The following LIMA1 variants were observed in gnomAD, a reference collection of about 807,000 sequenced individuals.
The protein encoded by LIMA1 is LIM domain and actin-binding protein 1.
LIMA1 carries 52 observed loss-of-function variants against 62.6 expected under a neutral mutation model. The ratio of observed to expected loss-of-function variants is 0.83; its 90% CI spans 0.67 to 1.05. The LOEUF (loss-of-function observed/expected upper bound fraction) is 1.05. LIMA1 is among the 50% of genes least tolerant of loss of function. The probability of loss-of-function intolerance (pLI) is 0.00; values close to 1 mark genes in which losing one functional copy is unlikely to be tolerated. For synonymous variants in LIMA1, 302 were observed against 317.8 expected (o/e 0.95, Z 0.53); for missense variants, 780 against 902.2 (o/e 0.86, Z 1.74).
At position 50,203,357 on chromosome 12, in the gene LIMA1, C is replaced by T. The variant is rs115614522; in HGVS notation, c.864+1195G>A. Among the ~76,000 whole-genome samples, 1,221 of 151,836 alleles carry T rather than the reference C, an allele frequency of 8.0e-3. 18 individuals carry two copies. Among genetic ancestry groups the T allele is most frequent in the African/African-American group, 0.028 (1,160 of 41,412 alleles). On this transcript the variant is annotated intron_variant, in intron 6 of 10. Transcript: ENST00000341247. Reference sequence around the variant, plus strand: ...AGCAGTTCTGTAGCATCAGCTTACCCGTTAAGCACAGGACAACGTAAAGGG... The same window carrying T: ...AGCAGTTCTGTAGCATCAGCTTACCTGTTAAGCACAGGACAACGTAAAGGG...
rs775085324 is a variant in LIMA1 at position 50,222,651 on chromosome 12, C to G, written c.166-166G>C. 1.0e-5 allele frequency: 16 copies of G among 1,527,218 alleles called. No individual in the cohort carries two copies. In the East Asian group the frequency reaches 3.9e-4, roughly 38 times the overall value. 94.6% of individuals were successfully genotyped at this position (1,527,218 alleles called of 1,614,324 possible). A position where few individuals can be genotyped will look rare whatever the true frequency, so the allele number is the denominator to read the frequency against. Reference sequence around the variant, plus strand: ...TTGCCACATGGAGAAAGCATCCACCCGGCAGAGGGAGAGGGAGAGGGGAAG... The same window carrying G: ...TTGCCACATGGAGAAAGCATCCACCGGGCAGAGGGAGAGGGAGAGGGGAAG... On this transcript the variant is annotated intron_variant, in intron 3 of 10. Transcript: ENST00000341247.
At position 50,186,042 on chromosome 12, in the gene LIMA1, T is replaced by C. The variant is rs1220335376; in HGVS notation, c.1141-4005A>G. 3 of 152,802 alleles carry C rather than the reference T, an allele frequency of 2.0e-5. No homozygotes were observed. The East Asian group carries it at 5.8e-4, about 29-fold the overall frequency. 9.5% of individuals were successfully genotyped at this position (152,802 alleles called of 1,614,324 possible). A position where few individuals can be genotyped will look rare whatever the true frequency, so the allele number is the denominator to read the frequency against. On this transcript the variant is annotated intron_variant, in intron 9 of 10. Coordinates refer to ENST00000341247, the MANE Select transcript of LIMA1 (RefSeq NM_016357.5). ...GGCTGCGGCTGTGCCTCCCCTTTAT[T>C]TTCTATGTCCTGGGCTCTCAGCCAC...
At chr12:50,206,097 T>A (rs769599490) in intron 4 of LIMA1, 29 bp from the exon 5 acceptor site, 2 of 1,589,932 alleles carry the variant, frequency 1.3e-6, no homozygotes, top group Non-Finnish European at 1.7e-6. Flanking sequence ...CGATAAGTTT[T>A]GCAGAAACAA....
chr12:50,191,108 CAA>C (rs745749669), intron 9 of LIMA1, among the ~76,000 whole-genome samples: 684 of 46,666 alleles, frequency 0.015, 3 homozygotes, highest in African/African-American at 0.043. Context: ...GAACCTGTCT[CAA>C]AAAAAAAAAA....
At chr12:50,228,161 T>G (rs969673474) in intron 3 of LIMA1, among the ~76,000 whole-genome samples, 8 of 152,202 alleles carry the variant, frequency 5.3e-5, no homozygotes, top group Admixed American at 2.0e-4. Context: ...CCGGGCCTGA[T>G]ATGGTACTTA....
intron 2 of LIMA1, among the ~76,000 whole-genome samples, chr12:50,247,308 G>T (rs897729005): frequency 1.3e-5 from 2 of 152,028 alleles, no homozygotes; most frequent in Non-Finnish European, 2.9e-5. Flanking sequence ...CCGAGGCTAG[G>T]TCATAAAAGG....
At chr12:50,243,816 G>A (rs930998875) in intron 2 of LIMA1, among the ~76,000 whole-genome samples, 12 of 152,066 alleles carry the variant, frequency 7.9e-5, no homozygotes. Context: ...ACTTCAGCAG[G>A]TTACTTCCTT....
At chr12:50,216,443 G>A (rs574397962) in intron 4 of LIMA1, among the ~76,000 whole-genome samples, 8 of 151,984 alleles carry the variant, frequency 5.3e-5, no homozygotes, top group Non-Finnish European at 1.2e-4. Context: ...TCAAACTCTC[G>A]ACCTCAGGTG....
chr12:50,234,272 G>C, intron 2 of LIMA1: 1 of 354,022 alleles, frequency 2.8e-6, no homozygotes, highest in South Asian at 2.2e-5. Flanking sequence ...GCAGTGGCAC[G>C]ATCTCAGCTA....
chr12:50,217,163 A>G (rs537411693), intron 4 of LIMA1, among the ~76,000 whole-genome samples: 2 of 151,960 alleles, frequency 1.3e-5, no homozygotes, highest in South Asian at 4.1e-4. Context: ...TGACTTAAAA[A>G]GCCAACATTG....
At chr12:50,244,682 T>G (rs1941823367) in intron 2 of LIMA1, among the ~76,000 whole-genome samples, 3 of 152,190 alleles carry the variant, frequency 2.0e-5, no homozygotes, top group Non-Finnish European at 4.4e-5. Flanking sequence ...GAGAAGGACC[T>G]GTGAGATCCC....
In LIMA1 at chr12:50,182,025, G is replaced by A. The variant is rs753424786; in HGVS notation, c.1153C>T (p.Pro385Ser). 2.5e-6 allele frequency: 4 copies of A among 1,612,668 alleles called. No homozygotes were observed. Among genetic ancestry groups the A allele is most frequent in the Non-Finnish European group, 1.7e-6 (2 of 1,179,998 alleles). ...CATTCCACGCAGGTCTCTCTTGCAGGTGCCTGAAACTTCTAGGAAAAACAA... is the reference window on the plus strand; with the variant it reads ...CATTCCACGCAGGTCTCTCTTGCAGATGCCTGAAACTTCTAGGAAAAACAA... Reference protein sequence around the residue: ...PPKAMKKFQAPARETCVECQK... With the variant: ...PPKAMKKFQASARETCVECQK... Residue 385 changes from proline (P) to serine (S), a missense_variant, in exon 10 of 11, where the codon CCT becomes TCT. Pro to Ser is a moderately conservative substitution (Grantham distance 74, BLOSUM62 -1). Coordinates refer to ENST00000341247, the MANE Select transcript of LIMA1 (RefSeq NM_016357.5).
At position 50,176,410 on chromosome 12, in the gene LIMA1, TGTAGGTTG is replaced by T. The variant is rs1292347431; in HGVS notation, c.*646_*653del. On this transcript the variant is annotated 3_prime_UTR_variant, in exon 11 of 11. Transcript: ENST00000341247. The stretch of plus-strand genomic sequence containing the variant: ...GCAGATCTCTCTAAGCACCGAAGAG[TGTAGGTTG>T]GTTTTTCAATTGCCTCAAAAAGTGC... 1.3e-5 allele frequency: 2 copies of T among 151,830 alleles called. No individual in the cohort carries two copies. Among genetic ancestry groups the T allele is most frequent in the Non-Finnish European group, 2.9e-5 (2 of 67,964 alleles). The allele number at this position is 151,830 out of a possible 1,614,324, so 9.4% of individuals were successfully genotyped here. A position where few individuals can be genotyped will look rare whatever the true frequency, so the allele number is the denominator to read the frequency against.
chr12:50,235,275 T>A (rs1249362954), intron 2 of LIMA1, among the ~76,000 whole-genome samples: 3 of 140,292 alleles, frequency 2.1e-5, no homozygotes, highest in African/African-American at 2.6e-5. Flanking sequence ...TCCTATCACT[T>A]TTTTTTTTTT....
Position 50,240,069 on chromosome 12 carries a change from A to T in LIMA1, c.120-8359T>A, listed in dbSNP as rs150588699. 8.2e-4 allele frequency among the ~76,000 whole-genome samples: 125 copies of T among 152,068 alleles called. 3 individuals are homozygous for T. The East Asian group carries it at 0.022, about 27-fold the overall frequency. ...AACATAACATAACATAAAATAAAAA[A>T]TTTTTAAAAGGAGCGCCTCACTGAG... On this transcript the variant is annotated intron_variant, in intron 2 of 10. Coordinates refer to ENST00000341247, the MANE Select transcript of LIMA1 (RefSeq NM_016357.5).
chr12:50,209,383 A>T (rs1254962202), intron 4 of LIMA1, among the ~76,000 whole-genome samples: 1 of 151,762 alleles, frequency 6.6e-6, no homozygotes. Flanking sequence ...CAGCCTGGCC[A>T]ACATTGTGAA....
chr12:50,192,062 G>A (rs146556649), intron 9 of LIMA1, among the ~76,000 whole-genome samples: 2 of 151,198 alleles, frequency 1.3e-5, no homozygotes, highest in Admixed American at 6.6e-5. Flanking sequence ...TTGAACATGG[G>A]GGGGCGGAGG....
chr12:50,214,784 C>T (rs1941316051), intron 4 of LIMA1, among the ~76,000 whole-genome samples: 1 of 152,142 alleles, frequency 6.6e-6, no homozygotes, highest in African/African-American at 2.4e-5. Context: ...CCAGCCTGGG[C>T]GACAGAGCAA....
intron 7 of LIMA1, among the ~76,000 whole-genome samples, chr12:50,198,652 G>C (rs542774728): frequency 1.3e-5 from 2 of 152,056 alleles, no homozygotes. Context: ...TGGCGTCAAG[G>C]GTGTCAATAA....
Sources: allele counts gnomAD v4.1 joint callset (sites outside exome capture counted in the v4.1 genomes callset), GRCh38; gene constraint gnomAD v4.1.1; transcripts MANE v1.5; gene names NCBI Gene and HGNC (gene_info 2026-07-23, HGNC 2026-07-21).